CNTLN: variants seen among roughly 807,000 people sequenced by gnomAD.
CNTLN encodes the protein centlein, centrosomal protein.
A neutral mutation model predicts 180.0 loss-of-function variants in CNTLN; 212 were observed. That is an observed-to-expected ratio of 1.18 (90% CI 1.05 to 1.32). The LOEUF is 1.32. Among genes scored for constraint, CNTLN ranks in the 40% most tolerant of loss-of-function variants. CNTLN has a pLI of 0.00. For synonymous variants in CNTLN, 722 were observed against 563.1 expected (o/e 1.28, Z -3.99); for missense variants, 2,095 against 1,610.9 (o/e 1.30, Z -5.14).
intron 16 of CNTLN, among the ~76,000 whole-genome samples, chr9:17,411,520 T>A (rs962636489): frequency 2.0e-5 from 3 of 152,084 alleles, no homozygotes; most frequent in Non-Finnish European, 2.9e-5. Context: ...CCTCCTGGGA[T>A]CCCTAACCCC....
intron 6 of CNTLN, among the ~76,000 whole-genome samples, chr9:17,281,490 A>G (rs534192502): frequency 1.1e-4 from 16 of 151,650 alleles, no homozygotes; most frequent in African/African-American, 3.1e-4. Context: ...TTGTTCCCCT[A>G]CCTGTATCCG....
chr9:17,280,646 T>C (rs1828604624), intron 6 of CNTLN, among the ~76,000 whole-genome samples: 1 of 152,178 alleles, frequency 6.6e-6, no homozygotes, highest in South Asian at 2.1e-4. Context: ...TGATAAACCG[T>C]GAAGACATCA....
chr9:17,355,273 C>G (rs565088486), intron 12 of CNTLN, among the ~76,000 whole-genome samples: 1 of 152,298 alleles, frequency 6.6e-6, no homozygotes, highest in Admixed American at 6.5e-5. Flanking sequence ...AATCCACCAG[C>G]CTTGGCCTCC....
the CNTLN span, among the ~76,000 whole-genome samples, chr9:17,517,985 C>T: frequency 6.7e-6 from 1 of 149,816 alleles, no homozygotes; most frequent in Non-Finnish European, 1.5e-5. Context: ...TTTTTCTTCC[C>T]TAATCACCTC....
In CNTLN at chr9:17,135,163, C is replaced by G; in HGVS notation, c.98C>G (p.Ala33Gly). 1.9e-6 allele frequency: 3 copies of G among 1,609,668 alleles called. No homozygotes were observed. Among genetic ancestry groups the G allele is most frequent in the Non-Finnish European group, 2.5e-6 (3 of 1,178,656 alleles). The change falls in exon 1 of 26, where the codon GCA (alanine) becomes GGA (glycine). Residue 33 changes from alanine (A) to glycine (G), a missense_variant. Ala to Gly is a moderately conservative substitution (Grantham distance 60). Transcript: ENST00000380647. ...PRVGRGAEVH[A>G]MRSEASGFAG... ...GTTGGGCGGGGAGCTGAAGTACACG[C>G]AATGCGCAGCGAGGCCTCGGGTTTT...
intron 2 of CNTLN, among the ~76,000 whole-genome samples, chr9:17,146,974 C>A (rs531253764): frequency 1.3e-5 from 2 of 151,602 alleles, no homozygotes; most frequent in East Asian, 1.9e-4. Context: ...AAAAAATTTC[C>A]TTGTCTTTCT....
At chr9:17,383,251 A>C (rs1313739531) in intron 13 of CNTLN, among the ~76,000 whole-genome samples, 4 of 152,150 alleles carry the variant, frequency 2.6e-5, no homozygotes, top group Non-Finnish European at 5.9e-5. Context: ...TGTTACCAAC[A>C]TGGCGCTGTG....
chr9:17,150,631 G>T (rs980429873), intron 2 of CNTLN, among the ~76,000 whole-genome samples: 1 of 152,100 alleles, frequency 6.6e-6, no homozygotes, highest in Non-Finnish European at 1.5e-5. Flanking sequence ...TTGGCTATGC[G>T]GGCTCTTTTT....
chr9:17,474,211 T>C (rs1832202687), intron 23 of CNTLN, among the ~76,000 whole-genome samples: 2 of 152,192 alleles, frequency 1.3e-5, no homozygotes, highest in Non-Finnish European at 2.9e-5. Context: ...TCCTGCCTAG[T>C]TGTGATTTTC....
At chr9:17,265,690 C>T (rs1384205240) in intron 5 of CNTLN, among the ~76,000 whole-genome samples, 1 of 152,068 alleles carries the variant, frequency 6.6e-6, no homozygotes, top group Non-Finnish European at 1.5e-5. Context: ...GGTTGGTAAG[C>T]TATTGATTAT....
In CNTLN at chr9:17,480,949, A is replaced by T. The variant is rs145712892; in HGVS notation, c.3856-3346A>T. ...TAAGCTATGTGTGTAATACACAAAAACAAATTTGTCAAGTCCTTGCCTAGA... is the reference window on the plus strand; with the variant it reads ...TAAGCTATGTGTGTAATACACAAAATCAAATTTGTCAAGTCCTTGCCTAGA... On this transcript the variant is annotated intron_variant, in intron 23 of 25. Transcript: ENST00000380647. 7.0e-3 allele frequency among the ~76,000 whole-genome samples: 1,061 copies of T among 152,312 alleles called. 19 individuals carry two copies. Among genetic ancestry groups the T allele is most frequent in the Admixed American group, 0.039 (592 of 15,308 alleles).
At chr9:17,263,723 A>C (rs1177668237) in intron 5 of CNTLN, among the ~76,000 whole-genome samples, 1 of 144,522 alleles carries the variant, frequency 6.9e-6, no homozygotes, top group African/African-American at 2.7e-5. Flanking sequence ...TGACTTTTTA[A>C]TGATCACCAT....
intron 18 of CNTLN, among the ~76,000 whole-genome samples, chr9:17,440,800 C>G (rs1159850294): frequency 6.6e-6 from 1 of 152,012 alleles, no homozygotes; most frequent in East Asian, 1.9e-4. Context: ...TATGGATGAA[C>G]CTTGAAAGCA....
At chr9:17,289,743 C>G (rs1317150663) in intron 6 of CNTLN, among the ~76,000 whole-genome samples, 1 of 144,074 alleles carries the variant, frequency 6.9e-6, no homozygotes, top group African/African-American at 2.7e-5. Flanking sequence ...TCCCTTCTCA[C>G]TTCATTTCAT....
At chr9:17,256,923 C>G (rs764106116) in intron 5 of CNTLN, among the ~76,000 whole-genome samples, 19 of 151,782 alleles carry the variant, frequency 1.3e-4, no homozygotes, top group Admixed American at 1.2e-3. Context: ...TTTGTTGGGC[C>G]TAGTGCAGGA....
chr9:17,510,879 AGAGGAATTACCCACAAATAT>A, the CNTLN span, among the ~76,000 whole-genome samples: 1 of 152,194 alleles, frequency 6.6e-6, no homozygotes, highest in Non-Finnish European at 1.5e-5. Flanking sequence ...TCACTTCTCT[AGAGGAATTACCCACAAATAT>A]GATTGCTGGG....
chr9:17,484,205 T>G, intron 23 of CNTLN, 90 bp from the exon 24 acceptor site: 1 of 1,002,608 alleles, frequency 1.0e-6, no homozygotes, highest in Non-Finnish European at 1.5e-6. Flanking sequence ...AAAAAAATGA[T>G]TTGTTAGTAT....
At chr9:17,513,149 A>G in the CNTLN span, among the ~76,000 whole-genome samples, 179 of 152,286 alleles carry the variant, frequency 1.2e-3, 1 homozygote, top group Middle Eastern at 0.017. Context: ...TTATGTTCCC[A>G]TGGACATAAA....
intron 23 of CNTLN, among the ~76,000 whole-genome samples, chr9:17,469,483 T>A (rs1433037808): frequency 6.6e-6 from 1 of 151,808 alleles, no homozygotes; most frequent in Non-Finnish European, 1.5e-5. Context: ...TCATCTTTCT[T>A]GTCCTTGCAC....
Sources: gnomAD v4.1 joint callset for allele counts (sites outside exome capture counted in the v4.1 genomes callset) on GRCh38, gnomAD v4.1.1 for gene constraint, MANE v1.5 for transcripts, NCBI Gene and HGNC (gene_info 2026-07-23, HGNC 2026-07-21) for gene names.